Variants in KPNA6 observed in about 807,000 individuals in gnomAD.
The protein encoded by KPNA6 is importin subunit alpha-7.
Under a neutral mutation model 72.0 loss-of-function variants are expected in KPNA6, and 9 were observed. The ratio of observed to expected loss-of-function variants is 0.13; its 90% CI spans 0.08 to 0.22. The LOEUF (loss-of-function observed/expected upper bound fraction) is 0.22, where lower values mean the gene tolerates loss of function less well. Ranked by LOEUF, KPNA6 falls within the 10% of genes least tolerant of loss-of-function variation. The probability of loss-of-function intolerance (pLI) is 1.00; values close to 1 mark genes in which losing one functional copy is unlikely to be tolerated. For missense variants in KPNA6, 374 were observed against 655.7 expected (o/e 0.57, Z 4.69); for synonymous variants, 219 against 242.1 (o/e 0.90, Z 0.89).
chr1:32,113,633 T>C (rs1036465871), intron 1 of KPNA6, among the ~76,000 whole-genome samples: 1 of 152,074 alleles, frequency 6.6e-6, no homozygotes, highest in Non-Finnish European at 1.5e-5. Flanking sequence ...TTTAAATTGT[T>C]TTTAAAGAGT....
chr1:32,114,373 G>A (rs909451571), intron 1 of KPNA6, among the ~76,000 whole-genome samples: 16 of 151,344 alleles, frequency 1.1e-4, no homozygotes, highest in African/African-American at 3.9e-4. Context: ...CCTGGGAGGT[G>A]GAGGTTGCAG....
At chr1:32,142,680 C>T (rs978220692) in intron 1 of KPNA6, among the ~76,000 whole-genome samples, 1 of 152,074 alleles carries the variant, frequency 6.6e-6, no homozygotes, top group Non-Finnish European at 1.5e-5. Context: ...TAAGAAAACC[C>T]AAAGACAGTC....
chr1:32,141,368 G>T (rs1273412575), intron 1 of KPNA6, among the ~76,000 whole-genome samples: 3 of 50,470 alleles, frequency 5.9e-5, no homozygotes, highest in East Asian at 3.4e-4. Context: ...TTTTTTTTAA[G>T]TTAATCCTTT....
At chr1:32,110,320 C>T (rs180718342) in intron 1 of KPNA6, among the ~76,000 whole-genome samples, 14 of 151,712 alleles carry the variant, frequency 9.2e-5, no homozygotes, top group Admixed American at 9.2e-4. Context: ...CCGTCTCGGC[C>T]TCCCAAAGTG....
At chr1:32,145,277 T>G (rs1174207548) in intron 1 of KPNA6, among the ~76,000 whole-genome samples, 1 of 146,584 alleles carries the variant, frequency 6.8e-6, no homozygotes, top group African/African-American at 2.5e-5. Flanking sequence ...TTTATATACG[T>G]TTTTCAGTCA....
intron 1 of KPNA6, 124 bp downstream of exon 1, chr1:32,108,258 A>G (rs1012651251): frequency 7.1e-6 from 10 of 1,411,910 alleles, no homozygotes; most frequent in African/African-American, 7.1e-5. Context: ...GTCTGAGGGG[A>G]AAAGTCAGGC....
intron 1 of KPNA6, among the ~76,000 whole-genome samples, chr1:32,111,340 G>T (rs140854114): frequency 0.011 from 1,722 of 152,280 alleles, 13 homozygotes; most frequent in Non-Finnish European, 0.019. Context: ...AAGAAATAAA[G>T]TTAGTCCTAT....
intron 12 of KPNA6, among the ~76,000 whole-genome samples, chr1:32,169,470 G>A (rs1285872634): frequency 3.4e-5 from 5 of 147,442 alleles, no homozygotes; most frequent in South Asian, 2.2e-4. Flanking sequence ...TTTTTGAGAC[G>A]GAGTCTCACT....
At chr1:32,142,916 C>A (rs1407875249) in intron 1 of KPNA6, 1 of 1,281,994 alleles carries the variant, frequency 7.8e-7, no homozygotes, top group Admixed American at 2.3e-5. Flanking sequence ...ACCATGGTGA[C>A]TAAAGAAGCT....
chr1:32,157,175 C>G lies in KPNA6; in HGVS notation c.232-171C>G, dbSNP rs77342733. Reference sequence around the variant, plus strand: ...TGCCTCAGAATTAGGAATCACTTTTCAAATGTCCCAACTTGAAGCACCTAT... The same window carrying G: ...TGCCTCAGAATTAGGAATCACTTTTGAAATGTCCCAACTTGAAGCACCTAT... On this transcript the variant is annotated intron_variant, in intron 3 of 13. Coordinates refer to ENST00000373625, the MANE Select transcript of KPNA6 (RefSeq NM_012316.5). Among the ~76,000 whole-genome samples, 768 of 152,304 alleles carry G rather than the reference C, an allele frequency of 5.0e-3. 2 individuals are homozygous for G. The highest frequency in any genetic ancestry group is 0.018 in the African/African-American group (728 of 41,570).
chr1:32,136,880 GCCTAAAGGGCAGAC>G (rs1272220198), intron 1 of KPNA6, among the ~76,000 whole-genome samples: 2 of 152,192 alleles, frequency 1.3e-5, no homozygotes, highest in East Asian at 1.9e-4. Flanking sequence ...TCAAATCAAA[GCCTAAAGGGCAGAC>G]CCTAAAGCCT....
intron 1 of KPNA6, among the ~76,000 whole-genome samples, chr1:32,128,789 G>T (rs1641586813): frequency 6.6e-6 from 1 of 151,976 alleles, no homozygotes; most frequent in South Asian, 2.1e-4. Context: ...ACATTTCCTG[G>T]TCATGAATCT....
At chr1:32,112,709 T>C (rs1569982669) in intron 1 of KPNA6, among the ~76,000 whole-genome samples, 1 of 152,156 alleles carries the variant, frequency 6.6e-6, no homozygotes, top group Non-Finnish European at 1.5e-5. Flanking sequence ...GACAGGCTGG[T>C]CTTGAACTCC....
At chr1:32,123,759 G>T (rs1200182631) in intron 1 of KPNA6, among the ~76,000 whole-genome samples, 2 of 115,992 alleles carry the variant, frequency 1.7e-5, no homozygotes, top group East Asian at 3.0e-4. Flanking sequence ...AAAAAAAAAA[G>T]GCCAAGTGGC....
At chr1:32,167,319 T>C (rs985540251) in intron 12 of KPNA6, 23 bp downstream of exon 12, 2 of 1,613,584 alleles carry the variant, frequency 1.2e-6, no homozygotes, top group African/African-American at 1.3e-5. Context: ...TTTCCCGTTG[T>C]CTTGAATGAT....
intron 1 of KPNA6, among the ~76,000 whole-genome samples, chr1:32,110,356 C>T (rs751469944): frequency 5.9e-5 from 9 of 151,986 alleles, no homozygotes; most frequent in East Asian, 1.9e-4. Context: ...TGAGCCACCG[C>T]GCCTGGCCTG....
chr1:32,131,774 C>T (rs1319591798), intron 1 of KPNA6, among the ~76,000 whole-genome samples: 2 of 151,196 alleles, frequency 1.3e-5, no homozygotes, highest in Non-Finnish European at 2.9e-5. Flanking sequence ...AATTCCAGCA[C>T]TTTGGGAGGA....
chr1:32,158,205 C>A, intron 4 of KPNA6, 62 bp from the exon 5 acceptor site: 1 of 1,042,920 alleles, frequency 9.6e-7, no homozygotes, highest in Non-Finnish European at 1.5e-6. Flanking sequence ...GCAAGCTGAC[C>A]CCCATGAAGG....
At chr1:32,144,567 C>A (rs1295792539) in intron 1 of KPNA6, among the ~76,000 whole-genome samples, 1 of 152,264 alleles carries the variant, frequency 6.6e-6, no homozygotes, top group South Asian at 2.1e-4. Flanking sequence ...AGCAATCCAC[C>A]AGGTTCCAGA....
Sources: gnomAD v4.1 joint callset for allele counts (sites outside exome capture counted in the v4.1 genomes callset) on GRCh38, gnomAD v4.1.1 for gene constraint, MANE v1.5 for transcripts, NCBI Gene and HGNC (gene_info 2026-07-23, HGNC 2026-07-21) for gene names.